Variants in PRKCH observed in about 807,000 individuals in gnomAD.
PRKCH encodes protein kinase C eta.
A neutral mutation model predicts 82.5 loss-of-function variants in PRKCH; 28 were observed. The ratio of observed to expected loss-of-function variants is 0.34; its 90% confidence interval spans 0.25 to 0.47. The LOEUF (loss-of-function observed/expected upper bound fraction) is 0.47. PRKCH is among the 20% of genes least tolerant of loss of function. PRKCH has a pLI of 1.00. For missense variants in PRKCH, 705 were observed against 881.8 expected, an observed-to-expected ratio of 0.80 and a Z score of 2.54; for synonymous variants, 322 against 327.4, an observed-to-expected ratio of 0.98 and a Z score of 0.18.
Position 61,460,367 on chromosome 14 carries a change from C to T in PRKCH, c.1278+2688C>T, listed in dbSNP as rs114573505. 9.7e-3 allele frequency among the ~76,000 whole-genome samples: 1,482 copies of T among 152,140 alleles called. 26 individuals are homozygous for T. Among genetic ancestry groups the T allele is most frequent in the African/African-American group, 0.034 (1,418 of 41,476 alleles). ...CCCCTTGTACTTTTGTCTTTGTGTG[C>T]TTATGCTGGTGTTTCTGTATGACAC... On this transcript the variant is annotated intron_variant, in intron 9 of 13. Transcript: ENST00000332981.
At chr14:61,521,897 A>T (rs2042912339) in intron 10 of PRKCH, among the ~76,000 whole-genome samples, 1 of 152,088 alleles carries the variant, frequency 6.6e-6, no homozygotes, top group Non-Finnish European at 1.5e-5. Context: ...GCCTCAGGAG[A>T]TCCTCTTCCC....
intron 7 of PRKCH, 131 bp downstream of exon 7, chr14:61,453,484 C>T (rs1297538088): frequency 4.9e-6 from 4 of 814,134 alleles, no homozygotes; most frequent in Non-Finnish European, 5.0e-6. Context: ...TATTGCCTTT[C>T]TTTCTTTCTT....
At chr14:61,205,242 A>G (rs1454536700) in intron 1 of PRKCH, among the ~76,000 whole-genome samples, 1 of 152,186 alleles carries the variant, frequency 6.6e-6, no homozygotes, top group East Asian at 1.9e-4. Context: ...GATGGGCTTC[A>G]TTGTGTTTAA....
At chr14:61,245,830 A>G (rs2044875154) in intron 1 of PRKCH, among the ~76,000 whole-genome samples, 2 of 152,232 alleles carry the variant, frequency 1.3e-5, no homozygotes, top group Admixed American at 1.3e-4. Context: ...AAAGTTAGGA[A>G]TCATGCTAGT....
At chr14:61,299,820 A>G (rs374091659) in intron 1 of PRKCH, 5 of 152,258 alleles carry the variant, frequency 3.3e-5, no homozygotes, top group African/African-American at 7.2e-5. Flanking sequence ...AAATCAAACT[A>G]GAGCTCTGCA....
intron 1 of PRKCH, among the ~76,000 whole-genome samples, chr14:61,219,205 G>A (rs905003251): frequency 1.6e-4 from 24 of 152,354 alleles, no homozygotes; most frequent in African/African-American, 5.5e-4. Context: ...ACCTCTGGAG[G>A]AGTGAAGTAT....
At position 61,546,450 on chromosome 14, in the gene PRKCH, C is replaced by G. The variant is rs375560746; in HGVS notation, c.1762-1293C>G. 2.6e-5 allele frequency among the ~76,000 whole-genome samples: 4 copies of G among 152,298 alleles called. No individual in the cohort carries two copies. In the East Asian group the frequency reaches 5.8e-4, roughly 22 times the overall value. On this transcript the variant is annotated intron_variant, in intron 12 of 13. Transcript: ENST00000332981. ...TTCATTTATTAGCTGCCCTTTGAAG[C>G]TTTTTTGAAAGCATTTTACAAGGTA... is the stretch of plus-strand genomic sequence containing the variant.
chr14:61,499,106 G>A (rs1476372317), intron 10 of PRKCH, among the ~76,000 whole-genome samples: 1 of 152,136 alleles, frequency 6.6e-6, no homozygotes, highest in Non-Finnish European at 1.5e-5. Flanking sequence ...GCTCTATTTT[G>A]AGGTGTGTTG....
At chr14:61,363,160 A>G (rs78198353) in intron 1 of PRKCH, among the ~76,000 whole-genome samples, 2,777 of 152,306 alleles carry the variant, frequency 0.018, 68 homozygotes, top group African/African-American at 0.059. Context: ...AAGGGTGGGA[A>G]TCAAGGACTA....
chr14:61,280,367 TG>T lies in PRKCH; in HGVS notation c.-19+92702del, dbSNP rs1325886395. ...ATGCGCGCGTACAGTTTGCGGAACG[TG>T]GGCAGCGCCGCCGTGCGCATCCACA... On this transcript the variant is annotated intron_variant, in intron 1 of 3. Transcript: ENST00000555185. The surrounding 1 kb of genome is among the most constrained non-coding windows in gnomAD (Gnocchi z 5.0). 2.5e-5 allele frequency: 41 copies of T among 1,613,950 alleles called. No individual in the cohort carries two copies. The highest frequency in any genetic ancestry group is 3.5e-5 in the Non-Finnish European group (41 of 1,179,900).
intron 1 of PRKCH, among the ~76,000 whole-genome samples, chr14:61,253,915 G>C (rs965100044): frequency 7.3e-5 from 11 of 151,292 alleles, no homozygotes; most frequent in African/African-American, 2.7e-4. Flanking sequence ...AATTATTAAA[G>C]GTGAGGTAAA....
intron 10 of PRKCH, among the ~76,000 whole-genome samples, chr14:61,509,601 T>C (rs906682859): frequency 1.3e-5 from 2 of 152,064 alleles, no homozygotes; most frequent in Admixed American, 1.3e-4. Flanking sequence ...ACTATGAATG[T>C]TGGCTGGGTG....
intron 1 of PRKCH, among the ~76,000 whole-genome samples, chr14:61,190,742 A>G (rs2044401542): frequency 6.6e-6 from 1 of 151,954 alleles, no homozygotes; most frequent in Non-Finnish European, 1.5e-5. Flanking sequence ...GAGGCTCTGC[A>G]CTCACTGTTC....
At chr14:61,360,387 C>T (rs1316757246) in intron 1 of PRKCH, among the ~76,000 whole-genome samples, 1 of 152,022 alleles carries the variant, frequency 6.6e-6, no homozygotes, top group African/African-American at 2.4e-5. Context: ...CGCCTGTAAT[C>T]CCAGCTACTC....
chr14:61,495,692 GCACT>G (rs917197300), intron 10 of PRKCH, among the ~76,000 whole-genome samples: 2 of 152,122 alleles, frequency 1.3e-5, no homozygotes, highest in Admixed American at 1.3e-4. Context: ...TTGTTGTTGG[GCACT>G]CACTGTGTAC....
chr14:61,514,462 G>C (rs1239859033), intron 10 of PRKCH, among the ~76,000 whole-genome samples: 1 of 152,088 alleles, frequency 6.6e-6, no homozygotes, highest in African/African-American at 2.4e-5. Flanking sequence ...GTCTGGGGTG[G>C]ACTTGAGAGC....
At chr14:61,329,530 C>T (rs2045753892) in intron 1 of PRKCH, among the ~76,000 whole-genome samples, 1 of 152,160 alleles carries the variant, frequency 6.6e-6, no homozygotes, top group African/African-American at 2.4e-5. Flanking sequence ...TCACTGCACC[C>T]AGCCAAAGTC....
At chr14:61,279,846 T>G (rs1356175202) in intron 1 of PRKCH, 1 of 512,138 alleles carries the variant, frequency 2.0e-6, no homozygotes, top group Non-Finnish European at 3.5e-6. Context: ...GGCAACTCAG[T>G]GTCGTGAAGG....
chr14:61,247,220 C>G (rs1246782663), intron 1 of PRKCH, among the ~76,000 whole-genome samples: 1 of 150,712 alleles, frequency 6.6e-6, no homozygotes, highest in African/African-American at 2.4e-5. Context: ...GATGACTTCC[C>G]AAAAAGAAAG....
Sources: gnomAD v4.1 joint callset for allele counts (sites outside exome capture counted in the v4.1 genomes callset) on GRCh38, gnomAD v4.1.1 for gene constraint, Gnocchi (gnomAD v3.1) non-coding constraint, MANE v1.5 for transcripts, NCBI Gene and HGNC (gene_info 2026-07-23, HGNC 2026-07-21) for gene names.